Variants in DCP1B observed in about 807,000 individuals in gnomAD.
The protein encoded by DCP1B is decapping mRNA 1B, also known as mRNA-decapping enzyme 1B.
In DCP1B, 47 loss-of-function variants were observed where a neutral mutation model predicts 60.5. The observed-to-expected ratio is 0.78, with a 90% CI of 0.61 to 0.99. The LOEUF (loss-of-function observed/expected upper bound fraction) is 0.99. Ranked by LOEUF, DCP1B falls within the 50% of genes least tolerant of loss-of-function variation. DCP1B has a pLI of 0.00. For missense variants in DCP1B, 725 were observed against 756.8 expected, an observed-to-expected ratio of 0.96 and a Z score of 0.49; for synonymous variants, 267 against 280.3, an observed-to-expected ratio of 0.95 and a Z score of 0.47.
In DCP1B at chr12:1,955,469, C is replaced by A. The variant is rs2030849396; in HGVS notation, c.614G>T (p.Ser205Ile). 1 of 1,613,724 alleles carries A rather than the reference C, an allele frequency of 6.2e-7. No individual in the cohort carries two copies. The highest frequency in any genetic ancestry group is 2.2e-5 in the East Asian group (1 of 44,874). The change falls in exon 6 of 9, where the codon AGT becomes ATT. Residue 205 changes from serine (S) to isoleucine (I), a missense_variant. Ser to Ile is a moderately radical substitution (Grantham distance 142). Transcript: ENST00000280665. ...NLIKPIPVKP[S>I]ENQQQRIPQP... ...AGGTATACGCTGTTGCTGGTTTTCA[C>A]TGGGTTTCACTGGAATTGGTTTGAT...
intron 3 of DCP1B, among the ~76,000 whole-genome samples, chr12:1,986,093 G>A (rs1028356510): frequency 6.6e-6 from 1 of 152,232 alleles, no homozygotes; most frequent in African/African-American, 2.4e-5. Context: ...GATTACAGGC[G>A]TGAGCCACTG....
rs772405748 is a variant in DCP1B at position 1,952,995 on chromosome 12, A to G, written c.945T>C (p.Pro315=). ...CAGAATGGGTACTGCCATTTTCACA[A>G]GGCCGGTTTTCAGGCAGCTCTGACA... The part of the protein sequence containing the change: ...HPLSELPENR[P]CENGSTHSAG... Residue 315 remains proline, a synonymous_variant, in exon 7 of 9, where the codon CCT becomes CCC. Coordinates refer to ENST00000280665, the MANE Select transcript of DCP1B (RefSeq NM_152640.5). 2 of 1,614,124 alleles carry G rather than the reference A, an allele frequency of 1.2e-6. No individual in the cohort carries two copies. Among genetic ancestry groups the G allele is most frequent in the Non-Finnish European group, 1.7e-6 (2 of 1,179,982 alleles).
At position 1,946,075 on chromosome 12, in the gene DCP1B, T is replaced by A; in HGVS notation, c.*131A>T. The A allele has an allele frequency of 1.5e-6, 1 of 655,454 alleles. No homozygotes were observed. The highest frequency in any genetic ancestry group is 2.4e-6 in the Non-Finnish European group (1 of 410,728). 40.6% of individuals were successfully genotyped at this position (655,454 alleles called of 1,614,324 possible). A position where few individuals can be genotyped will look rare whatever the true frequency, so the allele number is the denominator to read the frequency against. On this transcript the variant is annotated 3_prime_UTR_variant, in exon 9 of 9. Coordinates refer to ENST00000280665, the MANE Select transcript of DCP1B (RefSeq NM_152640.5). ...GAGTATAAAAAAAAGTCTGAAACAT[T>A]TTACTTCATATTACACATACTTTTT...
chr12:1,980,225 C>A (rs771224498), intron 3 of DCP1B, among the ~76,000 whole-genome samples: 1 of 152,052 alleles, frequency 6.6e-6, no homozygotes, highest in African/African-American at 2.4e-5. Flanking sequence ...AAGTATCTAT[C>A]GATAGGAGAA....
chr12:1,996,324 C>T (rs1488909287), intron 2 of DCP1B, among the ~76,000 whole-genome samples: 1 of 152,096 alleles, frequency 6.6e-6, no homozygotes, highest in Non-Finnish European at 1.5e-5. Flanking sequence ...GCTAGCAAAT[C>T]TCTTTACACT....
chr12:1,979,274 A>C (rs999245746), intron 3 of DCP1B, among the ~76,000 whole-genome samples: 1 of 151,330 alleles, frequency 6.6e-6, no homozygotes, highest in Non-Finnish European at 1.5e-5. Context: ...TCGGCCTCCC[A>C]AAGTGTTGGG....
At position 1,971,182 on chromosome 12, in the gene DCP1B, T is replaced by C; in HGVS notation, c.320-3272A>G. Reference sequence around the variant, plus strand: ...TGGTGCATGAAGCTCAACTCAACTATTTCTACATCTCTCCTGGAGGTAAGA... The same window carrying C: ...TGGTGCATGAAGCTCAACTCAACTACTTCTACATCTCTCCTGGAGGTAAGA... On this transcript the variant is annotated intron_variant, in intron 3 of 8. Transcript: ENST00000280665. The surrounding 1 kb of genome is among the most constrained non-coding windows in gnomAD (Gnocchi z 4.2). The C allele has an allele frequency of 4.7e-6, 6 of 1,289,064 alleles. No homozygotes were observed. The highest frequency in any genetic ancestry group is 6.1e-6 in the Non-Finnish European group (6 of 988,220). 79.9% of individuals were successfully genotyped at this position (1,289,064 alleles called of 1,614,324 possible). A position where few individuals can be genotyped will look rare whatever the true frequency, so the allele number is the denominator to read the frequency against.
chr12:1,977,391 T>C (rs2034743296), intron 3 of DCP1B, among the ~76,000 whole-genome samples: 1 of 152,224 alleles, frequency 6.6e-6, no homozygotes, highest in Non-Finnish European at 1.5e-5. Flanking sequence ...CTCGACAACT[T>C]TGTGACTCCT....
At chr12:1,990,421 G>C (rs368917524) in intron 3 of DCP1B, among the ~76,000 whole-genome samples, 2 of 152,110 alleles carry the variant, frequency 1.3e-5, no homozygotes, top group Admixed American at 1.3e-4. Flanking sequence ...AATCTATTTT[G>C]TGTTTGAATG....
chr12:1,999,784 TA>T (rs2041765503), intron 1 of DCP1B, among the ~76,000 whole-genome samples: 3 of 152,280 alleles, frequency 2.0e-5, no homozygotes, highest in African/African-American at 7.2e-5. Flanking sequence ...TTCCCTAACA[TA>T]AAAGCATAGG....
chr12:1,956,247 A>G (rs909525131), intron 5 of DCP1B, among the ~76,000 whole-genome samples: 1 of 152,204 alleles, frequency 6.6e-6, no homozygotes, highest in African/African-American at 2.4e-5. Context: ...ACACAGTAGG[A>G]TTCATAACAA....
intron 8 of DCP1B, among the ~76,000 whole-genome samples, chr12:1,947,518 G>A (rs1285178051): frequency 6.6e-6 from 1 of 152,166 alleles, no homozygotes; most frequent in Non-Finnish European, 1.5e-5. Flanking sequence ...TGGAGGGCAG[G>A]GGAATGTAAT....
chr12:1,952,271 T>C, intron 7 of DCP1B, 145 bp downstream of exon 7: 5 of 1,020,074 alleles, frequency 4.9e-6, no homozygotes, highest in Non-Finnish European at 5.4e-6. Context: ...CCTCTTGAGC[T>C]CAAGGGATCC....
intron 2 of DCP1B, among the ~76,000 whole-genome samples, chr12:1,996,642 A>AC (rs2040918084): frequency 1.7e-5 from 2 of 116,864 alleles, no homozygotes; most frequent in Admixed American, 1.7e-4. Context: ...AAAAAAAAAA[A>AC]AAAAAAAAAA....
chr12:1,968,504 A>C (rs1400311744), intron 3 of DCP1B, among the ~76,000 whole-genome samples: 1 of 152,334 alleles, frequency 6.6e-6, no homozygotes, highest in African/African-American at 2.4e-5. Context: ...AATCCTCTGA[A>C]GCAAATGAAT....
chr12:1,945,735 G>A (rs541217292), downstream of DCP1B, among the ~76,000 whole-genome samples: 6 of 152,300 alleles, frequency 3.9e-5, no homozygotes, highest in African/African-American at 1.4e-4. Context: ...CCTTTGCAGG[G>A]GCATGGATGA....
intron 5 of DCP1B, among the ~76,000 whole-genome samples, chr12:1,958,807 A>C (rs2031006644): frequency 8.7e-6 from 1 of 115,078 alleles, no homozygotes; most frequent in African/African-American, 3.6e-5. Context: ...GGCTTTTTCT[A>C]TAAACCTCCT....
chr12:1,978,304 G>A (rs2035051351), intron 3 of DCP1B, among the ~76,000 whole-genome samples: 1 of 152,152 alleles, frequency 6.6e-6, no homozygotes, highest in South Asian at 2.1e-4. Context: ...TTAAAGTACT[G>A]AAGATGTGTT....
rs1452644944 is a variant in DCP1B, at chr12:2,004,303, G to A, written c.129C>T (p.Phe43=). The change falls in exon 1 of 9, where the codon TTC becomes TTT. Residue 43 remains phenylalanine, a synonymous_variant. Transcript: ENST00000280665. ...DVASQVALYT[F]GHRANEWEKT... ...GCACCCACTCGTTGGCCCGATGGCCGAAGGTGTACAGAGCCACCTGGCTGG... is the reference window on the plus strand; with the variant it reads ...GCACCCACTCGTTGGCCCGATGGCCAAAGGTGTACAGAGCCACCTGGCTGG... 6.2e-7 allele frequency: 1 copy of A among 1,613,262 alleles called. No homozygotes were observed. The highest frequency in any genetic ancestry group is 8.5e-7 in the Non-Finnish European group (1 of 1,179,894).
Sources: gnomAD v4.1 joint callset for allele counts (sites outside exome capture counted in the v4.1 genomes callset) on GRCh38, gnomAD v4.1.1 for gene constraint, Gnocchi (gnomAD v3.1) non-coding constraint, MANE v1.5 for transcripts, NCBI Gene and HGNC (gene_info 2026-07-23, HGNC 2026-07-21) for gene names.